The following FRMPD4 variants were observed in gnomAD, a reference collection of about 807,000 sequenced individuals.
FRMPD4 encodes FERM and PDZ domain-containing protein 4.
A neutral mutation model predicts 94.1 loss-of-function variants in FRMPD4; 22 were observed. The observed-to-expected ratio is 0.23, with a 90% CI of 0.17 to 0.33. The LOEUF (loss-of-function observed/expected upper bound fraction) is 0.33, where lower values mean the gene tolerates loss of function less well. Ranked by LOEUF, FRMPD4 falls within the 10% of genes least tolerant of loss-of-function variation. FRMPD4 has a pLI of 1.00. For missense variants in FRMPD4, 1,111 were observed against 1,339.9 expected (o/e 0.83, Z 2.67); for synonymous variants, 631 against 548.6 (o/e 1.15, Z -2.10).
intron 3 of FRMPD4, among the ~76,000 whole-genome samples, chrX:12,067,823 C>T (rs2054934460): frequency 8.9e-6 from 1 of 112,132 alleles, no homozygotes; most frequent in Non-Finnish European, 1.9e-5. Flanking sequence ...ACATCTTTTC[C>T]CCTATTTTCA....
chrX:12,039,379 A>C (rs2054739165), intron 3 of FRMPD4, among the ~76,000 whole-genome samples: 1 of 109,466 alleles, frequency 9.1e-6, no homozygotes, highest in Non-Finnish European at 1.9e-5. Flanking sequence ...TTTAATATAG[A>C]TCTTTAGAGC....
intron 1 of FRMPD4, among the ~76,000 whole-genome samples, chrX:12,305,733 T>TTGTTTTTTTTTG (rs2054930065): frequency 3.2e-5 from 3 of 94,539 alleles, no homozygotes; most frequent in African/African-American, 1.2e-4. Context: ...AAGTTTTTTT[T>TTGTTTTTTTTTG]TTTTTTTTTT....
intron 1 of FRMPD4, among the ~76,000 whole-genome samples, chrX:12,167,031 G>T (rs771798821): frequency 5.4e-5 from 6 of 111,142 alleles, no homozygotes; most frequent in African/African-American, 2.0e-4. Flanking sequence ...TTTTTGAAGG[G>T]TTTTTTGTGT....
chrX:12,256,048 A>G (rs2054110432), intron 1 of FRMPD4, among the ~76,000 whole-genome samples: 1 of 112,271 alleles, frequency 8.9e-6, no homozygotes, highest in South Asian at 3.7e-4. Flanking sequence ...GTTGGATGTC[A>G]GCACCAAGGG....
intron 3 of FRMPD4, among the ~76,000 whole-genome samples, chrX:12,123,537 C>A (rs2055474886): frequency 8.9e-6 from 1 of 111,965 alleles, no homozygotes; most frequent in Admixed American, 9.5e-5. Context: ...TTTTCGACTT[C>A]TAGGTCTGAT....
chrX:12,004,554 G>C (rs529693730), intron 3 of FRMPD4, among the ~76,000 whole-genome samples: 3 of 111,733 alleles, frequency 2.7e-5, no homozygotes, highest in African/African-American at 9.8e-5. Context: ...CTTGGTGTTG[G>C]CTGACCCACT....
rs372367670 is a variant in FRMPD4 at position 12,717,483 on chromosome X, G to A, written c.2675-18G>A. Reference sequence around the variant, plus strand: ...CTGATGCATCCATTAATCAGTTCTTGTTTTTTACGGCATGCAGGTGTAGCC... The same window carrying A: ...CTGATGCATCCATTAATCAGTTCTTATTTTTTACGGCATGCAGGTGTAGCC... On this transcript the variant is annotated intron_variant, in intron 15 of 16. Transcript: ENST00000675598. 8.3e-5 allele frequency: 93 copies of A among 1,124,223 alleles called. No homozygotes were observed. Among genetic ancestry groups the A allele is most frequent in the Middle Eastern group, 2.4e-4 (1 of 4,101 alleles). The allele number at this position is 1,124,223 out of a possible 1,213,427, so 92.6% of individuals were successfully genotyped here.
intron 1 of FRMPD4, among the ~76,000 whole-genome samples, chrX:12,380,869 T>C (rs1414163998): frequency 8.9e-6 from 1 of 112,001 alleles, no homozygotes; most frequent in Admixed American, 9.5e-5. Flanking sequence ...TCATAGTCTC[T>C]CCACTGTACG....
At chrX:12,218,283 A>T (rs2056828855) in intron 1 of FRMPD4, among the ~76,000 whole-genome samples, 1 of 112,287 alleles carries the variant, frequency 8.9e-6, no homozygotes, top group South Asian at 3.7e-4. Flanking sequence ...GTGACTTTCA[A>T]AAATGGTTAC....
intron 11 of FRMPD4, among the ~76,000 whole-genome samples, chrX:12,706,457 C>T (rs1435464131): frequency 9.0e-6 from 1 of 111,416 alleles, no homozygotes; most frequent in Non-Finnish European, 1.9e-5. Context: ...GACACCTCAC[C>T]TTTGTCCCTA....
intron 1 of FRMPD4, among the ~76,000 whole-genome samples, chrX:12,276,322 C>T (rs755837252): frequency 1.8e-5 from 2 of 111,765 alleles, no homozygotes; most frequent in Non-Finnish European, 3.8e-5. Context: ...AACATGTGCC[C>T]GAGGTAGTCA....
At chrX:11,932,630 T>A in intron 3 of FRMPD4, among the ~76,000 whole-genome samples, 1 of 109,590 alleles carries the variant, frequency 9.1e-6, no homozygotes. Context: ...CCAAAGCAAG[T>A]ACTGTTCTAC....
In FRMPD4 at chrX:12,521,322, A is replaced by G. The variant is rs191791030; in HGVS notation, c.158+22526A>G. The stretch of plus-strand genomic sequence containing the variant: ...CTCCTGCAATACCTATAATGAGACC[A>G]CCCTCAGCTGGTGTATTTGCTCAGA... On this transcript the variant is annotated intron_variant, in intron 2 of 16. Coordinates refer to ENST00000675598, the MANE Select transcript of FRMPD4 (RefSeq NM_001368397.1). 4.5e-5 allele frequency among the ~76,000 whole-genome samples: 5 copies of G among 111,317 alleles called. No individual in the cohort carries two copies. In the Admixed American group the frequency reaches 4.8e-4, roughly 11 times the overall value.
chrX:12,105,423 A>T (rs995936167), intron 3 of FRMPD4, among the ~76,000 whole-genome samples: 1 of 112,436 alleles, frequency 8.9e-6, no homozygotes, highest in Non-Finnish European at 1.9e-5. Flanking sequence ...TCAGACACTT[A>T]GCATTAACTT....
intron 1 of FRMPD4, among the ~76,000 whole-genome samples, chrX:12,289,785 G>A (rs1196108973): frequency 9.0e-6 from 1 of 111,625 alleles, no homozygotes; most frequent in African/African-American, 3.3e-5. Context: ...AGTTAACATT[G>A]AGAAAGGCCA....
rs747773994 is a variant in FRMPD4, at chrX:12,293,724, T to G, written c.41+154712T>G. 8.0e-5 allele frequency among the ~76,000 whole-genome samples: 9 copies of G among 112,698 alleles called. No homozygotes were observed. The South Asian group carries it at 2.2e-3, about 27-fold the overall frequency. ...TATTAATTGTGGTATGAATTAAAGATTTCTACTTTATTGTCTTTAAGTTGC... is the reference window on the plus strand; with the variant it reads ...TATTAATTGTGGTATGAATTAAAGAGTTCTACTTTATTGTCTTTAAGTTGC... On this transcript the variant is annotated intron_variant, in intron 1 of 16. Transcript: ENST00000675598.
chrX:11,855,527 A>T (rs781264848), intron 1 of FRMPD4, among the ~76,000 whole-genome samples: 1 of 112,153 alleles, frequency 8.9e-6, no homozygotes, highest in Non-Finnish European at 1.9e-5. Flanking sequence ...CTTCCACCAG[A>T]TACCCTAAAT....
chrX:12,559,175 A>C (rs1227774111), intron 2 of FRMPD4, among the ~76,000 whole-genome samples: 1 of 112,325 alleles, frequency 8.9e-6, no homozygotes, highest in Non-Finnish European at 1.9e-5. Flanking sequence ...CCTTCTAGCA[A>C]ATCAGGAGTA....
At chrX:12,253,513 C>T (rs1488759208) in intron 1 of FRMPD4, among the ~76,000 whole-genome samples, 1 of 111,798 alleles carries the variant, frequency 8.9e-6, no homozygotes, top group Non-Finnish European at 1.9e-5. Context: ...GTCAAATATA[C>T]CACAGCTAAT....
Sources: allele counts gnomAD v4.1 joint callset (sites outside exome capture counted in the v4.1 genomes callset), GRCh38; gene constraint gnomAD v4.1.1; transcripts MANE v1.5; gene names NCBI Gene and HGNC (gene_info 2026-07-23, HGNC 2026-07-21).